PLD5: variants seen among roughly 807,000 people sequenced by gnomAD.
PLD5 encodes inactive phospholipase D5.
Under a neutral mutation model 61.1 loss-of-function variants are expected in PLD5, and 36 were observed. That is an observed-to-expected ratio of 0.59 (90% CI 0.45 to 0.78). The LOEUF (loss-of-function observed/expected upper bound fraction) is 0.78, where lower values mean the gene tolerates loss of function less well. Among genes scored for constraint, PLD5 ranks in the 30% least tolerant of loss-of-function variants. PLD5 has a pLI of 0.00. For missense variants in PLD5, 515 were observed against 644.4 expected, an observed-to-expected ratio of 0.80 and a Z score of 2.17; for synonymous variants, 243 against 242.8, an observed-to-expected ratio of 1.00 and a Z score of -0.01.
chr1:242,344,919 G>C (rs1391287798), intron 2 of PLD5, among the ~76,000 whole-genome samples: 1 of 152,160 alleles, frequency 6.6e-6, no homozygotes, highest in Non-Finnish European at 1.5e-5. Flanking sequence ...GGCGGGAGAT[G>C]AAACGCTCTT....
chr1:242,172,120 A>G (rs1372949902), intron 5 of PLD5, among the ~76,000 whole-genome samples: 1 of 152,232 alleles, frequency 6.6e-6, no homozygotes, highest in Non-Finnish European at 1.5e-5. Flanking sequence ...AAAATTGACC[A>G]CGTAATTGAA....
chr1:242,144,307 C>T (rs1175980381), intron 5 of PLD5, among the ~76,000 whole-genome samples: 3 of 151,838 alleles, frequency 2.0e-5, no homozygotes, highest in African/African-American at 7.3e-5. Context: ...GCTGGGTTGG[C>T]CCTCACACCA....
intron 1 of PLD5, among the ~76,000 whole-genome samples, chr1:242,470,032 G>A (rs753523477): frequency 6.6e-6 from 1 of 152,266 alleles, no homozygotes; most frequent in South Asian, 2.1e-4. Context: ...AAGCAAACCA[G>A]ATGGGTGCCA....
chr1:242,448,418 AATAAGT>A (rs1666637774), intron 1 of PLD5, among the ~76,000 whole-genome samples: 1 of 152,230 alleles, frequency 6.6e-6, no homozygotes, highest in African/African-American at 2.4e-5. Flanking sequence ...TGTGCAGTCA[AATAAGT>A]ATATTTCAGG....
At chr1:242,427,188 C>T (rs1289257983) in intron 1 of PLD5, among the ~76,000 whole-genome samples, 1 of 152,138 alleles carries the variant, frequency 6.6e-6, no homozygotes, top group Non-Finnish European at 1.5e-5. Flanking sequence ...TTGATCAACA[C>T]ATAATTAGGA....
intron 5 of PLD5, among the ~76,000 whole-genome samples, chr1:242,136,492 A>G (rs1663743153): frequency 6.6e-6 from 1 of 152,150 alleles, no homozygotes; most frequent in Admixed American, 6.6e-5. Context: ...ACGTCGTTTG[A>G]GAAATTGATA....
intron 4 of PLD5, among the ~76,000 whole-genome samples, chr1:242,253,425 T>C (rs1027614581): frequency 4.6e-5 from 7 of 150,650 alleles, no homozygotes; most frequent in African/African-American, 9.8e-5. Flanking sequence ...GCCATTCTCC[T>C]GCCTCAGCCT....
chr1:242,212,883 A>G (rs1387113318), intron 5 of PLD5, among the ~76,000 whole-genome samples: 1 of 152,194 alleles, frequency 6.6e-6, no homozygotes, highest in East Asian at 1.9e-4. Flanking sequence ...CTCTTTCAAG[A>G]TCTGATTTGG....
upstream of PLD5, among the ~76,000 whole-genome samples, chr1:242,528,856 T>A (rs1239545783): frequency 6.6e-6 from 1 of 152,224 alleles, no homozygotes; most frequent in Non-Finnish European, 1.5e-5. Context: ...TCTTAGCAAT[T>A]ATAAGTTGTA....
chr1:242,526,303 T>C (rs1309076119), upstream of PLD5, among the ~76,000 whole-genome samples: 1 of 152,124 alleles, frequency 6.6e-6, no homozygotes, highest in Non-Finnish European at 1.5e-5. Flanking sequence ...GGAGGATCGC[T>C]GAAGCCTGGG....
chr1:242,331,978 C>T (rs755149146), intron 2 of PLD5, among the ~76,000 whole-genome samples: 6 of 144,696 alleles, frequency 4.1e-5, no homozygotes, highest in South Asian at 4.5e-4. Flanking sequence ...TGGTGGTTTG[C>T]CGCACCCATC....
chr1:242,399,730 C>A (rs147196852), intron 1 of PLD5, among the ~76,000 whole-genome samples: 1 of 152,108 alleles, frequency 6.6e-6, no homozygotes, highest in Admixed American at 6.6e-5. Context: ...AGGAACTGAG[C>A]CCCACAGTAG....
At chr1:242,496,630 A>AT (rs1159637200) in intron 1 of PLD5, among the ~76,000 whole-genome samples, 2 of 151,932 alleles carry the variant, frequency 1.3e-5, no homozygotes, top group Non-Finnish European at 2.9e-5. Context: ...ATTCTCTTTC[A>AT]TTTTTTTTCA....
chr1:242,240,935 C>T (rs1671959933), intron 4 of PLD5, among the ~76,000 whole-genome samples: 1 of 152,106 alleles, frequency 6.6e-6, no homozygotes, highest in Non-Finnish European at 1.5e-5. Flanking sequence ...GGGAAGAGAA[C>T]TGGGTGGCTG....
intron 1 of PLD5, among the ~76,000 whole-genome samples, chr1:242,458,850 C>T (rs540431425): frequency 6.6e-6 from 1 of 152,316 alleles, no homozygotes; most frequent in South Asian, 2.1e-4. Flanking sequence ...CCTTGGGAAT[C>T]TTTCCCTTCT....
At chr1:242,172,305 A>C (rs1666809360) in intron 5 of PLD5, among the ~76,000 whole-genome samples, 2 of 152,256 alleles carry the variant, frequency 1.3e-5, no homozygotes, top group South Asian at 4.1e-4. Flanking sequence ...TGAAGGCAGA[A>C]ATAAAGATGT....
At chr1:242,142,264 A>G (rs772931260) in intron 5 of PLD5, among the ~76,000 whole-genome samples, 4 of 152,230 alleles carry the variant, frequency 2.6e-5, no homozygotes, top group Non-Finnish European at 4.4e-5. Flanking sequence ...GTAAAATGAT[A>G]TGTGCTGTAT....
At chr1:242,163,897 GA>G (rs1447590340) in intron 5 of PLD5, among the ~76,000 whole-genome samples, 2 of 145,292 alleles carry the variant, frequency 1.4e-5, no homozygotes, top group African/African-American at 5.2e-5. Context: ...GTCTCCTAAA[GA>G]GAGAGTTATA....
chr1:242,114,148 T>C, intron 6 of PLD5, 122 bp from the exon 7 acceptor site: 2 of 1,022,576 alleles, frequency 2.0e-6, no homozygotes, highest in Non-Finnish European at 2.8e-6. Context: ...TAATTTCTGC[T>C]TCATCAAATT....
Sources: gnomAD v4.1 joint callset for allele counts (sites outside exome capture counted in the v4.1 genomes callset) on GRCh38, gnomAD v4.1.1 for gene constraint, MANE v1.5 for transcripts, NCBI Gene and HGNC (gene_info 2026-07-23, HGNC 2026-07-21) for gene names.